The following SLC7A7 variants were observed in gnomAD, a reference collection of about 807,000 sequenced individuals.
SLC7A7 encodes the protein Y+L amino acid transporter 1.
SLC7A7 carries 39 observed loss-of-function variants against 47.9 expected under a neutral mutation model. The observed-to-expected ratio is 0.81, with a 90% confidence interval of 0.63 to 1.06. The LOEUF is 1.06. Among genes scored for constraint, SLC7A7 ranks in the 50% least tolerant of loss-of-function variants. SLC7A7 has a pLI of 0.00. For missense variants in SLC7A7, 588 were observed against 632.0 expected (o/e 0.93, Z 0.75); for synonymous variants, 234 against 242.8 (o/e 0.96, Z 0.34).
rs1165276728 is a variant in SLC7A7 at position 22,776,282 on chromosome 14, A to G, written c.807T>C (p.Ile269=). 1.2e-6 allele frequency: 2 copies of G among 1,614,114 alleles called. No individual in the cohort carries two copies. The highest frequency in any genetic ancestry group is 1.7e-5 in the Admixed American group (1 of 60,008). ...TGGTCAAGATATAGATGATGGTGAC[A>G]ATGGGCATGGAGATGCCAATGGAGA... ...LPLSIGISMP[I]VTIIYILTNV... is the part of the protein sequence containing the mutation. Residue 269 remains isoleucine, a synonymous_variant, in exon 5 of 10, where the codon ATT becomes ATC. Transcript: ENST00000674313.
At chr14:22,786,021 CAAAAAAA>C (rs1233024478) in intron 2 of SLC7A7, among the ~76,000 whole-genome samples, 2 of 74,006 alleles carry the variant, frequency 2.7e-5, no homozygotes, top group African/African-American at 1.3e-4. Flanking sequence ...GACTCTGTCT[CAAAAAAA>C]AAAAAAAAAA....
rs2139387978 is a variant in SLC7A7 at position 22,775,881 on chromosome 14, GC to G, written c.949del (p.Ala317HisfsTer34). On this transcript the variant is annotated frameshift_variant, in exon 6 of 10. Coordinates refer to ENST00000674313, the MANE Select transcript of SLC7A7 (RefSeq NM_003982.4). LOFTEE classifies it high-confidence loss of function. ...ATTGAGGCCACCAAAACAGGATAATGCAACTGACAGTGGAATTATCCAGTTA... is the reference window on the plus strand; with the variant it reads ...ATTGAGGCCACCAAAACAGGATAATGAACTGACAGTGGAATTATCCAGTTA... ...IFNWIIPLSVALSCFGGLNAS... is the reference protein window; with the variant it reads ...IFNWIIPLSVXLSCFGGLNAS... The G allele has an allele frequency of 1.2e-6, 2 of 1,614,144 alleles. No homozygotes were observed. Among genetic ancestry groups the G allele is most frequent in the African/African-American group, 2.7e-5 (2 of 75,042 alleles).
chr14:22,787,562 G>C (rs1183961507), intron 2 of SLC7A7, among the ~76,000 whole-genome samples: 1 of 151,026 alleles, frequency 6.6e-6, no homozygotes, highest in Non-Finnish European at 1.5e-5. Context: ...GACCAGCCTG[G>C]CAATATGGCA....
At chr14:22,798,410 C>T (rs769756768) in intron 2 of SLC7A7, among the ~76,000 whole-genome samples, 25 of 152,298 alleles carry the variant, frequency 1.6e-4, no homozygotes, top group East Asian at 5.8e-4. Context: ...CCTGATTCCA[C>T]GCTGTTCACC....
rs1176426296 is a variant in SLC7A7 at position 22,774,286 on chromosome 14, T to TAAA, written c.1245+67_1245+68insTTT. The TAAA allele has an allele frequency of 9.3e-6, 15 of 1,611,684 alleles. No individual in the cohort carries two copies. In the African/African-American group the frequency reaches 2.0e-4, roughly 22 times the overall value. On this transcript the variant is annotated intron_variant, in intron 8 of 9. Coordinates refer to ENST00000674313, the MANE Select transcript of SLC7A7 (RefSeq NM_003982.4). ...AAAGGTTTCTAAATAAAGTGCTTTG[T>TAAA]CATAGTCCCTTGTAGCAACAACTCC...
In SLC7A7 at chr14:22,812,992, GC is replaced by G; in HGVS notation, c.406del (p.Ala136ProfsTer34). The G allele has an allele frequency of 6.2e-7, 1 of 1,614,028 alleles. No individual in the cohort carries two copies. Among genetic ancestry groups the G allele is most frequent in the Non-Finnish European group, 8.5e-7 (1 of 1,180,018 alleles). ...TACCATGTAGTTGGCAAAGGTGATG[GC>G]AATGATGGCCTGGCTGGTGGGCTCA... ...IIEPTSQAIIAITFANYMVQP... is the reference protein window; with the variant it reads ...IIEPTSQAIIXITFANYMVQP... On this transcript the variant is annotated frameshift_variant, in exon 2 of 10. Transcript: ENST00000674313. LOFTEE classifies it high-confidence loss of function.
chr14:22,773,384 T>G lies in SLC7A7; in HGVS notation c.*226A>C, dbSNP rs1355878942. 1 of 629,792 alleles carries G rather than the reference T, an allele frequency of 1.6e-6. No homozygotes were observed. Among genetic ancestry groups the G allele is most frequent in the East Asian group, 3.3e-5 (1 of 30,368 alleles). 39.0% of individuals were successfully genotyped at this position (629,792 alleles called of 1,614,324 possible). On this transcript the variant is annotated 3_prime_UTR_variant, in exon 10 of 10. Transcript: ENST00000674313. Reference sequence around the variant, plus strand: ...ACAACCAAGCCCAAACCTGACATGCTCCTCCCCACAGTCACCTTCATTGTC... The same window carrying G: ...ACAACCAAGCCCAAACCTGACATGCGCCTCCCCACAGTCACCTTCATTGTC...
intron 4 of SLC7A7, among the ~76,000 whole-genome samples, chr14:22,778,451 T>C (rs116886427): frequency 1.1e-4 from 17 of 152,340 alleles, no homozygotes; most frequent in Non-Finnish European, 1.8e-4. Context: ...CCCAAAGCTA[T>C]GTATGTGGGG....
chr14:22,779,476 A>C (rs1594948853), intron 3 of SLC7A7, among the ~76,000 whole-genome samples: 1 of 133,622 alleles, frequency 7.5e-6, no homozygotes, highest in Non-Finnish European at 1.6e-5. Flanking sequence ...TGGGGGGGGG[A>C]CAGAGTCTCG....
intron 2 of SLC7A7, among the ~76,000 whole-genome samples, chr14:22,809,636 C>T (rs1372966834): frequency 1.3e-5 from 2 of 151,994 alleles, no homozygotes; most frequent in Non-Finnish European, 2.9e-5. Flanking sequence ...CCACCATGCC[C>T]GGCCTTTTTT....
At chr14:22,809,516 C>T (rs777795513) in intron 2 of SLC7A7, among the ~76,000 whole-genome samples, 1 of 151,940 alleles carries the variant, frequency 6.6e-6, no homozygotes, top group East Asian at 1.9e-4. Flanking sequence ...AATTTTTTTG[C>T]GTTTTTCATA....
At chr14:22,817,409 G>A (rs150152872), upstream of SLC7A7, 1,372 of 160,916 alleles carry the variant, frequency 8.5e-3, 20 homozygotes, top group African/African-American at 0.032. Flanking sequence ...GTGCAATCTC[G>A]GCTCACTGCA....
rs368748914 is a variant in SLC7A7 at position 22,776,256 on chromosome 14, T to G, written c.833A>C (p.Asn278Thr). 1 of 1,614,170 alleles carries G rather than the reference T, an allele frequency of 6.2e-7. No individual in the cohort carries two copies. The highest frequency in any genetic ancestry group is 2.2e-5 in the East Asian group (1 of 44,876). The change falls in exon 5 of 10, where the codon AAT becomes ACT. Residue 278 changes from asparagine to threonine, a missense_variant. By Grantham distance (65) the Asn-to-Thr change is moderately conservative. Coordinates refer to ENST00000674313, the MANE Select transcript of SLC7A7 (RefSeq NM_003982.4). ...GTCTAGCACAGTATAATAGGCCACA[T>G]TGGTCAAGATATAGATGATGGTGAC... ...PIVTIIYILTNVAYYTVLDMR... is the reference protein window; with the variant it reads ...PIVTIIYILTTVAYYTVLDMR...
chr14:22,777,077 A>G lies in SLC7A7; in HGVS notation c.771-759T>C, dbSNP rs575724899. On this transcript the variant is annotated intron_variant, in intron 4 of 9. Coordinates refer to ENST00000674313, the MANE Select transcript of SLC7A7 (RefSeq NM_003982.4). ...AGGATCACTTGAGCCTGGGGAGGTC[A>G]AGGCTGCAGTGAACCATGACTGGGC... 2.0e-5 allele frequency among the ~76,000 whole-genome samples: 3 copies of G among 149,456 alleles called. No individual in the cohort carries two copies. In the South Asian group the frequency reaches 6.4e-4, roughly 32 times the overall value.
intron 2 of SLC7A7, among the ~76,000 whole-genome samples, chr14:22,790,950 A>G (rs1225807898): frequency 6.7e-6 from 1 of 149,784 alleles, no homozygotes; most frequent in African/African-American, 2.5e-5. Context: ...GTGAGCTAAG[A>G]TCGCGCCACT....
chr14:22,789,784 G>A (rs1030789644), intron 2 of SLC7A7, among the ~76,000 whole-genome samples: 1 of 152,140 alleles, frequency 6.6e-6, no homozygotes, highest in African/African-American at 2.4e-5. Context: ...CAATGTCAGA[G>A]TAGTACAATA....
intron 2 of SLC7A7, among the ~76,000 whole-genome samples, chr14:22,784,663 T>C (rs968017518): frequency 9.2e-5 from 14 of 151,458 alleles, no homozygotes; most frequent in Non-Finnish European, 1.9e-4. Flanking sequence ...AAAAAGATGT[T>C]CCTGAATGGA....
At chr14:22,801,648 C>T (rs1327241916) in intron 2 of SLC7A7, among the ~76,000 whole-genome samples, 1 of 152,058 alleles carries the variant, frequency 6.6e-6, no homozygotes, top group African/African-American at 2.4e-5. Flanking sequence ...CATGGTGGTG[C>T]ATGCCTGTAG....
intron 1 of SLC7A7, among the ~76,000 whole-genome samples, chr14:22,814,169 C>T (rs1433195335): frequency 6.6e-6 from 1 of 151,852 alleles, no homozygotes; most frequent in Admixed American, 6.6e-5. Context: ...CATTGCTGCC[C>T]ACCCGACTCA....
Sources: allele counts gnomAD v4.1 joint callset (sites outside exome capture counted in the v4.1 genomes callset), GRCh38; gene constraint gnomAD v4.1.1; transcripts MANE v1.5; gene names NCBI Gene and HGNC (gene_info 2026-07-23, HGNC 2026-07-21).